OR2A14: variants seen among roughly 807,000 people sequenced by gnomAD.
OR2A14 encodes olfactory receptor family 2 subfamily A member 14.
In OR2A14, 2 loss-of-function variants were observed where a neutral mutation model predicts 2.4. The observed-to-expected ratio is 0.85, with a 90% CI of 0.35 to 2.67. The LOEUF (loss-of-function observed/expected upper bound fraction) is 2.67. Among genes scored for constraint, OR2A14 ranks in the 30% most tolerant of loss-of-function variants. The probability of loss-of-function intolerance (pLI) is 0.10; values close to 1 mark genes in which losing one functional copy is unlikely to be tolerated. For missense variants in OR2A14, 390 were observed against 379.4 expected (o/e 1.03, Z -0.23); for synonymous variants, 160 against 156.3 (o/e 1.02, Z -0.18).
In OR2A14 at chr7:144,130,067, G is replaced by C; in HGVS notation, c.*22G>C. On this transcript the variant is annotated 3_prime_UTR_variant, in exon 2 of 2. Coordinates refer to ENST00000641068, the MANE Select transcript of OR2A14 (RefSeq NM_001001659.3). ...GTGAGACATCTCAAAGGGAACCATG[G>C]GGAGGGAGCCTTGCTCCCTGCAAAA... 3 of 1,587,116 alleles carry C rather than the reference G, an allele frequency of 1.9e-6. No individual in the cohort carries two copies. The highest frequency in any genetic ancestry group is 2.6e-6 in the Non-Finnish European group (3 of 1,164,542).
chr7:144,127,408 T>C (rs1362527241), intron 1 of OR2A14, among the ~76,000 whole-genome samples: 1 of 152,190 alleles, frequency 6.6e-6, no homozygotes, highest in African/African-American at 2.4e-5. Context: ...ATAAAAACCT[T>C]AGAAATGTCT....
At chr7:144,123,932 C>A (rs75558054) in intron 1 of OR2A14, among the ~76,000 whole-genome samples, 5 of 151,574 alleles carry the variant, frequency 3.3e-5, no homozygotes, top group African/African-American at 1.2e-4. Context: ...AGACATTCTC[C>A]TTAACGATGG....
chr7:144,126,336 G>T (rs1220717300), intron 1 of OR2A14, among the ~76,000 whole-genome samples: 1 of 152,188 alleles, frequency 6.6e-6, no homozygotes, highest in Non-Finnish European at 1.5e-5. Context: ...AGGTTACAAA[G>T]AATAAGTACA....
chr7:144,128,973 C>A, intron 1 of OR2A14, 106 bp from the exon 2 acceptor site: 1 of 646,980 alleles, frequency 1.5e-6, no homozygotes, highest in Non-Finnish European at 2.6e-6. Context: ...TTTTTATGAG[C>A]ACACTTGGTT....
rs561589216 is a variant in OR2A14, at chr7:144,129,561, T to C, written c.449T>C (p.Phe150Ser). ...GTCCTGGCTGTGGCTTCCTGGGTGT[T>C]CAGCTTCCTCCTGGCTCTGGTCCCT... is the stretch of plus-strand genomic sequence containing the variant. ...CTVLAVASWVFSFLLALVPLV... is the reference protein window; with the variant it reads ...CTVLAVASWVSSFLLALVPLV... The change falls in exon 2 of 2, where the codon TTC becomes TCC. Residue 150 changes from phenylalanine (F) to serine (S), a missense_variant. Transcript: ENST00000641068. 260 of 1,614,148 alleles carry C rather than the reference T, an allele frequency of 1.6e-4. 3 individuals are homozygous for C. The South Asian group carries it at 2.8e-3, about 17-fold the overall frequency.
chr7:144,130,236 A>T lies in OR2A14; in HGVS notation c.*191A>T. ...TGCATTTATAATACTGGATAGGCATAAATTCATAAAGAAGACACAAAAGTC... is the reference window on the plus strand; with the variant it reads ...TGCATTTATAATACTGGATAGGCATTAATTCATAAAGAAGACACAAAAGTC... On this transcript the variant is annotated 3_prime_UTR_variant, in exon 2 of 2. Transcript: ENST00000641068. 2.1e-6 allele frequency: 1 copy of T among 467,018 alleles called. No homozygotes were observed. The highest frequency in any genetic ancestry group is 3.7e-6 in the Non-Finnish European group (1 of 271,304). The allele number at this position is 467,018 out of a possible 1,614,324, so 28.9% of individuals were successfully genotyped here. A position where few individuals can be genotyped will look rare whatever the true frequency, so the allele number is the denominator to read the frequency against.
intron 1 of OR2A14, 170 bp from the exon 2 acceptor site, chr7:144,128,909 C>T (rs2961159): frequency 1.8e-6 from 1 of 568,912 alleles, no homozygotes; most frequent in Non-Finnish European, 3.1e-6. Context: ...TATATATACA[C>T]ATATACATGT....
Position 144,129,421 on chromosome 7 carries a change from T to C in OR2A14, c.309T>C (p.Tyr103=), listed in dbSNP as rs908180081. ...CATGCATAATGCAGACATTCTTGTA[T>C]TTGGCTTTTGCTCACGTAGAGTGTC... ...FFPCIMQTFL[Y]LAFAHVECLI... is the part of the protein sequence containing the mutation. The change falls in exon 2 of 2, where the codon TAT becomes TAC. Residue 103 remains tyrosine (Y), a synonymous_variant. Coordinates refer to ENST00000641068, the MANE Select transcript of OR2A14 (RefSeq NM_001001659.3). The C allele has an allele frequency of 2.5e-6, 4 of 1,614,090 alleles. No homozygotes were observed. The African/African-American group carries it at 5.3e-5, about 22-fold the overall frequency.
Position 144,130,148 on chromosome 7 carries a change from T to G in OR2A14, c.*103T>G, listed in dbSNP as rs1336214229. ...TGCTAGAATAAATGCTACCTTAAAC[T>G]GGAATACTATAGACCTATACATATA... On this transcript the variant is annotated 3_prime_UTR_variant, in exon 2 of 2. Transcript: ENST00000641068. The G allele has an allele frequency of 6.9e-6, 6 of 867,166 alleles. No individual in the cohort carries two copies. Among genetic ancestry groups the G allele is most frequent in the East Asian group, 2.4e-5 (1 of 41,126 alleles). The allele number at this position is 867,166 out of a possible 1,614,324, so 53.7% of individuals were successfully genotyped here. A position where few individuals can be genotyped will look rare whatever the true frequency, so the allele number is the denominator to read the frequency against.
rs138813162 is a variant in OR2A14, at chr7:144,129,062, C to A, written c.-34-17C>A. 207 of 1,437,318 alleles carry A rather than the reference C, an allele frequency of 1.4e-4. No individual in the cohort carries two copies. In the African/African-American group the frequency reaches 2.8e-3, roughly 19 times the overall value. The allele number at this position is 1,437,318 out of a possible 1,614,324, so 89.0% of individuals were successfully genotyped here. A position where few individuals can be genotyped will look rare whatever the true frequency, so the allele number is the denominator to read the frequency against. On this transcript the variant is annotated splice_polypyrimidine_tract_variant and intron_variant, in intron 1 of 1. Coordinates refer to ENST00000641068, the MANE Select transcript of OR2A14 (RefSeq NM_001001659.3). ...ATTTCTAAGTGCTCCCTCTGTGCAT[C>A]TTTGACTGGCCCACAGCTCTGACCT...
At chr7:144,125,354 T>C (rs1352229369) in intron 1 of OR2A14, among the ~76,000 whole-genome samples, 1 of 152,306 alleles carries the variant, frequency 6.6e-6, no homozygotes, top group Non-Finnish European at 1.5e-5. Context: ...CTGAAGATTG[T>C]TCTGTAATGT....
At position 144,129,181 on chromosome 7, in the gene OR2A14, G is replaced by T. The variant is rs763848086; in HGVS notation, c.69G>T (p.Glu23Asp). Residue 23 changes from glutamate to aspartate, a missense_variant, in exon 2 of 2, where the codon GAG becomes GAT. Glu to Asp is a conservative substitution (Grantham distance 45). Transcript: ENST00000641068. ...LPRFQVGPAL[E>D]ILLCGLFSAF... is the part of the protein sequence containing the mutation. The stretch of plus-strand genomic sequence containing the variant: ...GATTCCAGGTTGGTCCAGCACTGGA[G>T]ATTCTCCTCTGTGGACTTTTCTCTG... The T allele has an allele frequency of 6.2e-6, 10 of 1,614,206 alleles. No individual in the cohort carries two copies. Among genetic ancestry groups the T allele is most frequent in the Non-Finnish European group, 8.5e-6 (10 of 1,180,034 alleles).
intron 1 of OR2A14, among the ~76,000 whole-genome samples, chr7:144,124,658 G>A (rs761601077): frequency 3.3e-5 from 5 of 152,064 alleles, no homozygotes; most frequent in Non-Finnish European, 7.3e-5. Flanking sequence ...TTTTGTGTCA[G>A]TGCTAAACAC....
chr7:144,126,333 A>G (rs987157738), intron 1 of OR2A14, among the ~76,000 whole-genome samples: 7 of 152,240 alleles, frequency 4.6e-5, no homozygotes, highest in Non-Finnish European at 7.3e-5. Context: ...ACAAGGTTAC[A>G]AAGAATAAGT....
chr7:144,124,342 A>G (rs1413457852), intron 1 of OR2A14, among the ~76,000 whole-genome samples: 11 of 151,724 alleles, frequency 7.3e-5, no homozygotes, highest in Admixed American at 6.6e-4. Flanking sequence ...CATGCCTGTA[A>G]TCCCAGCTAC....
chr7:144,123,930 T>TCA (rs376574084), intron 1 of OR2A14, among the ~76,000 whole-genome samples: 91,695 of 151,718 alleles, frequency 0.6, 28,564 homozygotes, highest in East Asian at 0.74. Context: ...CCAGACATTC[T>TCA]CCTTAACGAT....
Position 144,129,968 on chromosome 7 carries a change from C to T in OR2A14, c.856C>T (p.Pro286Ser). 1 of 1,614,154 alleles carries T rather than the reference C, an allele frequency of 6.2e-7. No individual in the cohort carries two copies. Among genetic ancestry groups the T allele is most frequent in the Non-Finnish European group, 8.5e-7 (1 of 1,180,010 alleles). Residue 286 changes from proline to serine, a missense_variant, in exon 2 of 2, where the codon CCC becomes TCC. Coordinates refer to ENST00000641068, the MANE Select transcript of OR2A14 (RefSeq NM_001001659.3). ...FYSLFNPMLN[P>S]LIYSLRNAEV... ...CAGCCTTTTCAATCCAATGCTGAAC[C>T]CCCTGATATATAGCCTAAGGAATGC... is the stretch of plus-strand genomic sequence containing the variant.
rs768180277 is a variant in OR2A14, at chr7:144,130,313, T to A, written c.*268T>A. 35 of 260,242 alleles carry A rather than the reference T, an allele frequency of 1.3e-4. No homozygotes were observed. The highest frequency in any genetic ancestry group is 2.1e-4 in the Non-Finnish European group (29 of 137,032). 16.1% of individuals were successfully genotyped at this position (260,242 alleles called of 1,614,324 possible). On this transcript the variant is annotated 3_prime_UTR_variant, in exon 2 of 2. Transcript: ENST00000641068. ...TAAATATAGGACCTCTTCACATTAA[T>A]CATTGTGCTCATCAAAGTCACCATT...
At chr7:144,124,767 AT>A (rs562464587) in intron 1 of OR2A14, among the ~76,000 whole-genome samples, 1 of 151,218 alleles carries the variant, frequency 6.6e-6, no homozygotes, top group East Asian at 1.9e-4. Flanking sequence ...TACAGCCTGT[AT>A]TTTTTTTTCT....
Sources: allele counts gnomAD v4.1 joint callset (sites outside exome capture counted in the v4.1 genomes callset), GRCh38; gene constraint gnomAD v4.1.1; transcripts MANE v1.5; gene names NCBI Gene and HGNC (gene_info 2026-07-23, HGNC 2026-07-21).